The following TAOK3 variants were observed in gnomAD, a reference collection of about 807,000 sequenced individuals.
TAOK3 encodes TAO kinase 3, also known as serine/threonine-protein kinase TAO3.
TAOK3 carries 40 observed loss-of-function variants against 120.4 expected under a neutral mutation model. That is an observed-to-expected ratio of 0.33 (90% CI 0.26 to 0.43). The LOEUF (loss-of-function observed/expected upper bound fraction) is 0.43, where lower values mean the gene tolerates loss of function less well. Among genes scored for constraint, TAOK3 ranks in the 20% least tolerant of loss-of-function variants. The pLI is 1.00. For missense variants in TAOK3, 821 were observed against 1,112.1 expected (o/e 0.74, Z 3.72); for synonymous variants, 355 against 387.5 (o/e 0.92, Z 0.99).
intron 1 of TAOK3, among the ~76,000 whole-genome samples, chr12:118,299,207 T>C (rs2042785953): frequency 6.6e-6 from 1 of 152,182 alleles, no homozygotes; most frequent in Non-Finnish European, 1.5e-5. Flanking sequence ...ATCCCTCAAA[T>C]ACACAAAATA....
At chr12:118,279,566 A>G (rs1376392444) in intron 1 of TAOK3, among the ~76,000 whole-genome samples, 1 of 148,518 alleles carries the variant, frequency 6.7e-6, no homozygotes, top group East Asian at 1.9e-4. Flanking sequence ...GTAAGTCTTT[A>G]ATCCATCTTG....
At chr12:118,363,018 CAAAAA>C (rs60475060) in intron 1 of TAOK3, among the ~76,000 whole-genome samples, 11 of 45,876 alleles carry the variant, frequency 2.4e-4, no homozygotes, top group African/African-American at 8.6e-4. Context: ...GACTCCGTAT[CAAAAA>C]AAAAAAAAAA....
chr12:118,328,966 A>G (rs2044039360), intron 1 of TAOK3, among the ~76,000 whole-genome samples: 1 of 152,230 alleles, frequency 6.6e-6, no homozygotes, highest in Admixed American at 6.5e-5. Flanking sequence ...TATCTTGAAC[A>G]TGTTAAGGTC....
At chr12:118,245,364 G>T (rs2040446369) in intron 3 of TAOK3, among the ~76,000 whole-genome samples, 1 of 149,884 alleles carries the variant, frequency 6.7e-6, no homozygotes, top group African/African-American at 2.5e-5. Context: ...GCTCATGCTG[G>T]AGTGCACTGG....
chr12:118,295,968 T>C (rs558332592), intron 1 of TAOK3, among the ~76,000 whole-genome samples: 1 of 152,300 alleles, frequency 6.6e-6, no homozygotes, highest in East Asian at 1.9e-4. Flanking sequence ...AAAATATTCA[T>C]GTGCCAATTG....
intron 16 of TAOK3, among the ~76,000 whole-genome samples, chr12:118,173,061 G>A (rs1049581302): frequency 7.9e-5 from 12 of 152,168 alleles, no homozygotes; most frequent in African/African-American, 2.9e-4. Context: ...AAATTACTGT[G>A]ATCACTGCTT....
chr12:118,353,544 C>A (rs773065170), intron 1 of TAOK3, among the ~76,000 whole-genome samples: 9 of 152,006 alleles, frequency 5.9e-5, no homozygotes, highest in Non-Finnish European at 1.3e-4. Context: ...ACCACTGAAG[C>A]TCTCTGAAAA....
chr12:118,165,393 A>T (rs943989244), intron 17 of TAOK3, among the ~76,000 whole-genome samples: 2 of 152,246 alleles, frequency 1.3e-5, no homozygotes, highest in Non-Finnish European at 2.9e-5. Context: ...CCTGAAACTC[A>T]TGGGCTCTTG....
intron 19 of TAOK3, among the ~76,000 whole-genome samples, chr12:118,154,291 C>T (rs542632529): frequency 3.3e-5 from 5 of 152,168 alleles, no homozygotes; most frequent in Non-Finnish European, 7.3e-5. Flanking sequence ...TCTCCATTTC[C>T]TTTTGTTTCT....
At chr12:118,346,687 T>G (rs901159956) in intron 1 of TAOK3, among the ~76,000 whole-genome samples, 5 of 152,202 alleles carry the variant, frequency 3.3e-5, no homozygotes, top group African/African-American at 1.2e-4. Context: ...AGCTATGTTT[T>G]GGCAGGCAAA....
intron 7 of TAOK3, among the ~76,000 whole-genome samples, chr12:118,237,204 A>G (rs1593255687): frequency 6.6e-6 from 1 of 152,164 alleles, no homozygotes; most frequent in African/African-American, 2.4e-5. Context: ...GGTCATGGCT[A>G]CACTGGGGTG....
intron 1 of TAOK3, among the ~76,000 whole-genome samples, chr12:118,333,209 T>C (rs2044225030): frequency 6.6e-6 from 1 of 152,166 alleles, no homozygotes; most frequent in African/African-American, 2.4e-5. Context: ...CATGGAATAT[T>C]CACCAAAATA....
At position 118,182,621 on chromosome 12, in the gene TAOK3, ATAT is replaced by A. The variant is rs1378331857; in HGVS notation, c.1330-1017_1330-1015del. 1.0e-3 allele frequency among the ~76,000 whole-genome samples: 100 copies of A among 98,972 alleles called. 1 individual carries two copies. The highest frequency in any genetic ancestry group is 7.0e-3 in the East Asian group (24 of 3,414). The allele number at this position is 98,972 out of a possible 152,430, so 64.9% of individuals were successfully genotyped here. A position where few individuals can be genotyped will look rare whatever the true frequency, so the allele number is the denominator to read the frequency against. ...TGTGTATATATATATATATATATAT[ATAT>A]TTTTTTTTTTTTTTAAGGATCATGT... On this transcript the variant is annotated intron_variant, in intron 14 of 20. Transcript: ENST00000392533.
intron 1 of TAOK3, chr12:118,297,059 T>G (rs548445896): frequency 3.9e-5 from 6 of 152,196 alleles, no homozygotes; most frequent in Non-Finnish European, 7.3e-5. Context: ...GGTCCTGAGT[T>G]TGCTGCTCCT....
At chr12:118,323,076 A>G (rs1461507657) in intron 1 of TAOK3, among the ~76,000 whole-genome samples, 1 of 152,104 alleles carries the variant, frequency 6.6e-6, no homozygotes, top group African/African-American at 2.4e-5. Context: ...TGGTCTGCAG[A>G]TTATAGTTTG....
chr12:118,189,648 A>AT (rs1268919595), intron 14 of TAOK3, among the ~76,000 whole-genome samples, 159 bp downstream of exon 14: 16 of 151,120 alleles, frequency 1.1e-4, no homozygotes, highest in African/African-American at 3.7e-4. Context: ...ATGCCAACAG[A>AT]TTTTTTTCCT....
intron 9 of TAOK3, among the ~76,000 whole-genome samples, chr12:118,218,419 A>T (rs1322030631): frequency 1.3e-5 from 2 of 152,058 alleles, no homozygotes; most frequent in African/African-American, 4.8e-5. Flanking sequence ...CATGGATCTC[A>T]AGTTTCCTAT....
chr12:118,228,387 G>A (rs988119307), intron 9 of TAOK3, among the ~76,000 whole-genome samples: 1 of 151,978 alleles, frequency 6.6e-6, no homozygotes, highest in Admixed American at 6.6e-5. Context: ...CCTGACCTCA[G>A]GTGATCCATC....
intron 1 of TAOK3, among the ~76,000 whole-genome samples, chr12:118,357,941 G>A (rs2045462579): frequency 6.6e-6 from 1 of 152,130 alleles, no homozygotes; most frequent in Admixed American, 6.5e-5. Flanking sequence ...AATATCCACT[G>A]CAATGCTTCT....
Sources: gnomAD v4.1 joint callset for allele counts (sites outside exome capture counted in the v4.1 genomes callset) on GRCh38, gnomAD v4.1.1 for gene constraint, MANE v1.5 for transcripts, NCBI Gene and HGNC (gene_info 2026-07-23, HGNC 2026-07-21) for gene names.